SLC39A9: variants seen among roughly 807,000 people sequenced by gnomAD.
SLC39A9 encodes solute carrier family 39 member 9.
Under a neutral mutation model 28.4 loss-of-function variants are expected in SLC39A9, and 14 were observed. That is an observed-to-expected ratio of 0.49 (90% CI 0.33 to 0.77). The LOEUF (loss-of-function observed/expected upper bound fraction) is 0.77. Among genes scored for constraint, SLC39A9 ranks in the 30% least tolerant of loss-of-function variants. SLC39A9 has a pLI of 0.02. For missense variants in SLC39A9, 283 were observed against 381.1 expected (o/e 0.74, Z 2.14); for synonymous variants, 119 against 149.6 (o/e 0.80, Z 1.49).
rs2140275082 is a variant in SLC39A9, at chr14:69,424,219, C to T, written c.205+17C>T. 1.9e-6 allele frequency: 3 copies of T among 1,567,236 alleles called. No individual in the cohort carries two copies. In the East Asian group the frequency reaches 6.7e-5, roughly 35 times the overall value. Reference sequence around the variant, plus strand: ...TTCTTGAGGGTGAGAAAGGGAAGAGCATTATTTGAGATATGTTATTGACTT... The same window carrying T: ...TTCTTGAGGGTGAGAAAGGGAAGAGTATTATTTGAGATATGTTATTGACTT... On this transcript the variant is annotated intron_variant, in intron 2 of 6. Transcript: ENST00000336643.
intron 2 of SLC39A9, chr14:69,428,881 C>A (rs375638725): frequency 1.3e-5 from 2 of 152,168 alleles, no homozygotes; most frequent in Non-Finnish European, 2.9e-5. Flanking sequence ...TTATGAGATG[C>A]GTATTATGGT....
At chr14:69,410,195 T>C (rs1424743827) in intron 1 of SLC39A9, among the ~76,000 whole-genome samples, 1 of 152,234 alleles carries the variant, frequency 6.6e-6, no homozygotes, top group Non-Finnish European at 1.5e-5. Flanking sequence ...GGAAATGGCA[T>C]TAATAAAGTA....
chr14:69,420,065 G>T (rs890644378), intron 1 of SLC39A9, among the ~76,000 whole-genome samples: 1 of 152,138 alleles, frequency 6.6e-6, no homozygotes, highest in African/African-American at 2.4e-5. Context: ...TGCTTTGCCC[G>T]TTAGTTGGTG....
At chr14:69,415,207 A>G (rs1883503157) in intron 1 of SLC39A9, among the ~76,000 whole-genome samples, 1 of 152,178 alleles carries the variant, frequency 6.6e-6, no homozygotes, top group Non-Finnish European at 1.5e-5. Flanking sequence ...GGGACTGCTA[A>G]TTTTCCAAAG....
intron 2 of SLC39A9, among the ~76,000 whole-genome samples, chr14:69,438,100 C>T (rs1884867872): frequency 6.6e-6 from 1 of 151,332 alleles, no homozygotes; most frequent in South Asian, 2.1e-4. Flanking sequence ...CGGCTCACTG[C>T]AACCACCGCC....
At chr14:69,440,060 C>G (rs1410343281) in intron 2 of SLC39A9, among the ~76,000 whole-genome samples, 1 of 152,150 alleles carries the variant, frequency 6.6e-6, no homozygotes, top group African/African-American at 2.4e-5. Context: ...GGAAGCAAGG[C>G]ACCTTCTTCA....
At chr14:69,413,017 G>A (rs1230831047) in intron 1 of SLC39A9, among the ~76,000 whole-genome samples, 1 of 152,138 alleles carries the variant, frequency 6.6e-6, no homozygotes, top group Non-Finnish European at 1.5e-5. Context: ...ACTTAGATCA[G>A]GGTTTTCCAG....
At chr14:69,403,381 G>C (rs1045133026) in intron 1 of SLC39A9, among the ~76,000 whole-genome samples, 1 of 152,160 alleles carries the variant, frequency 6.6e-6, no homozygotes, top group Admixed American at 6.5e-5. Context: ...GATTATCTGA[G>C]GGTTGTTACT....
chr14:69,403,029 C>T (rs1296376331), intron 1 of SLC39A9, among the ~76,000 whole-genome samples: 1 of 151,974 alleles, frequency 6.6e-6, no homozygotes, highest in African/African-American at 2.4e-5. Context: ...TTGCAGTGAG[C>T]CGAGTCCCAC....
chr14:69,405,262 T>C (rs1043932575), intron 1 of SLC39A9, among the ~76,000 whole-genome samples: 1 of 152,176 alleles, frequency 6.6e-6, no homozygotes, highest in African/African-American at 2.4e-5. Context: ...GGGGTTTGAG[T>C]TACCCGCAAA....
intron 1 of SLC39A9, 124 bp from the exon 2 acceptor site, chr14:69,423,970 C>T (rs1001116558): frequency 3.5e-5 from 21 of 597,642 alleles, no homozygotes; most frequent in South Asian, 2.3e-4. Context: ...TTTTCATCTT[C>T]GCTGTCTATT....
Position 69,411,925 on chromosome 14 carries a change from GGCACAT to G in SLC39A9, c.97-12166_97-12161del, listed in dbSNP as rs562069228. Among the ~76,000 whole-genome samples, 83 of 151,916 alleles carry G rather than the reference GGCACAT, an allele frequency of 5.5e-4. 1 individual carries two copies. In the South Asian group the frequency reaches 6.0e-3, roughly 11 times the overall value. On this transcript the variant is annotated intron_variant, in intron 1 of 6. Transcript: ENST00000336643. The stretch of plus-strand genomic sequence containing the variant: ...AGCCTCCCGAGTAGCTGGGACTACA[GGCACAT>G]GCCACCATGCCCAGCTCATTTTTGT...
At chr14:69,411,150 C>T (rs1294523201) in intron 1 of SLC39A9, among the ~76,000 whole-genome samples, 4 of 146,068 alleles carry the variant, frequency 2.7e-5, no homozygotes, top group East Asian at 2.0e-4. Context: ...AGGTAGAGGT[C>T]GCAGTAAGCC....
chr14:69,448,804 C>A (rs750611663), intron 3 of SLC39A9, among the ~76,000 whole-genome samples: 10 of 152,140 alleles, frequency 6.6e-5, no homozygotes, highest in Admixed American at 5.2e-4. Flanking sequence ...AAGAAAATAT[C>A]TTTTCTCTTA....
chr14:69,450,858 C>A (rs765675935), intron 3 of SLC39A9, among the ~76,000 whole-genome samples: 3 of 152,174 alleles, frequency 2.0e-5, no homozygotes, highest in African/African-American at 4.8e-5. Flanking sequence ...TTCCATTATT[C>A]TTCTTCCTGT....
At chr14:69,421,721 T>G (rs1191557968) in intron 1 of SLC39A9, among the ~76,000 whole-genome samples, 1 of 152,098 alleles carries the variant, frequency 6.6e-6, no homozygotes, top group African/African-American at 2.4e-5. Flanking sequence ...CAGACGCCCC[T>G]CCCCCAGTCA....
chr14:69,459,980 A>G lies in SLC39A9; in HGVS notation c.*1387A>G. 2.0e-6 allele frequency: 2 copies of G among 984,954 alleles called. No homozygotes were observed. Among genetic ancestry groups the G allele is most frequent in the Non-Finnish European group, 2.4e-6 (2 of 829,118 alleles). The allele number at this position is 984,954 out of a possible 1,614,324, so 61.0% of individuals were successfully genotyped here. On this transcript the variant is annotated 3_prime_UTR_variant, in exon 7 of 7. Coordinates refer to ENST00000336643, the MANE Select transcript of SLC39A9 (RefSeq NM_018375.5). ...ACCTCCTCATGTGTAAATTGACACA[A>G]TCACTAATCTGGTAATTTAAACAAT...
chr14:69,436,036 TC>T (rs1435028700), intron 2 of SLC39A9, among the ~76,000 whole-genome samples: 1 of 152,188 alleles, frequency 6.6e-6, no homozygotes, highest in Admixed American at 6.5e-5. Context: ...ATTTTTCAGT[TC>T]TAAAATTTCC....
chr14:69,441,311 A>G (rs1954884145), intron 2 of SLC39A9, among the ~76,000 whole-genome samples: 1 of 152,218 alleles, frequency 6.6e-6, no homozygotes, highest in Non-Finnish European at 1.5e-5. Context: ...AAACTGCTTA[A>G]TCTGATTATA....
Sources: gnomAD v4.1 joint callset for allele counts (sites outside exome capture counted in the v4.1 genomes callset) on GRCh38, gnomAD v4.1.1 for gene constraint, MANE v1.5 for transcripts, NCBI Gene and HGNC (gene_info 2026-07-23, HGNC 2026-07-21) for gene names.